CCDC88A: variants seen among roughly 807,000 people sequenced by gnomAD.
CCDC88A encodes the protein girdin.
A neutral mutation model predicts 234.3 loss-of-function variants in CCDC88A; 54 were observed. The observed-to-expected ratio is 0.23, with a 90% confidence interval of 0.19 to 0.29. The LOEUF is 0.29. CCDC88A is among the 10% of genes least tolerant of loss of function. CCDC88A has a pLI of 1.00. For synonymous variants in CCDC88A, 753 were observed against 737.8 expected, an observed-to-expected ratio of 1.02 and a Z score of -0.33; for missense variants, 1,832 against 2,123.4, an observed-to-expected ratio of 0.86 and a Z score of 2.70.
At position 55,318,850 on chromosome 2, in the gene CCDC88A, T is replaced by C. The variant is rs138105735; in HGVS notation, c.3317A>G (p.Lys1106Arg). ...AAAATATTATATTACAACCTGAAGC[T>C]TGGCATTCTGTGTTTGAAGAGTGGT... ...QNTTLQTQNAKLQVENSTLNS... is the reference protein window; with the variant it reads ...QNTTLQTQNARLQVENSTLNS... The change falls in exon 19 of 33, where the codon AAG becomes AGG. Residue 1106 changes from lysine to arginine, a missense_variant. This residue lies in a region of CCDC88A where 1,282 missense variants were observed against 1,543.6 expected (regional missense o/e 0.83). Transcript: ENST00000436346. The C allele has an allele frequency of 4.4e-6, 7 of 1,596,584 alleles. No individual in the cohort carries two copies. Among genetic ancestry groups the C allele is most frequent in the Non-Finnish European group, 6.0e-6 (7 of 1,168,924 alleles).
At chr2:55,381,464 G>T (rs1298191866) in intron 3 of CCDC88A, among the ~76,000 whole-genome samples, 3 of 149,428 alleles carry the variant, frequency 2.0e-5, no homozygotes, top group African/African-American at 4.9e-5. Context: ...GAGGTGGGGG[G>T]ATGGCTTGAG....
At position 55,387,176 on chromosome 2, in the gene CCDC88A, CAAAAAA is replaced by C. The variant is rs869311337; in HGVS notation, c.273+1596_273+1601del. Among the ~76,000 whole-genome samples the C allele has an allele frequency of 1.6e-4, 11 of 69,770 alleles. 1 individual carries two copies. Among genetic ancestry groups the C allele is most frequent in the African/African-American group, 6.3e-4 (9 of 14,208 alleles). 45.8% of individuals were successfully genotyped at this position (69,770 alleles called of 152,430 possible). A position where few individuals can be genotyped will look rare whatever the true frequency, so the allele number is the denominator to read the frequency against. On this transcript the variant is annotated intron_variant, in intron 3 of 32. Transcript: ENST00000436346. Reference sequence around the variant, plus strand: ...AGGGCAACAGATTGAGATTCCATCTCAAAAAAAAAAAAAAAAAAAAAAAAGAAACAT... The same window carrying C: ...AGGGCAACAGATTGAGATTCCATCTCAAAAAAAAAAAAAAAAAAGAAACAT...
In CCDC88A at chr2:55,332,342, G is replaced by A. The variant is rs573351371; in HGVS notation, c.2855+224C>T. ...TCCCCATGTTGGTCAGGCTGATCTCGAACTCCCGACCTCAGGTGATCCGCC... is the reference window on the plus strand; with the variant it reads ...TCCCCATGTTGGTCAGGCTGATCTCAAACTCCCGACCTCAGGTGATCCGCC... On this transcript the variant is annotated intron_variant, in intron 16 of 32. Coordinates refer to ENST00000436346, the MANE Select transcript of CCDC88A (RefSeq NM_001365480.1). This position sits in a 1 kb window ranked among gnomAD's most constrained non-coding sequence, Gnocchi z 4.5. 3.7e-4 allele frequency: 171 copies of A among 457,422 alleles called. No individual in the cohort carries two copies. Among genetic ancestry groups the A allele is most frequent in the Non-Finnish European group, 5.0e-4 (160 of 322,342 alleles). 28.3% of individuals were successfully genotyped at this position (457,422 alleles called of 1,614,324 possible).
chr2:55,361,461 T>G (rs888426666), intron 7 of CCDC88A, among the ~76,000 whole-genome samples: 1 of 152,152 alleles, frequency 6.6e-6, no homozygotes, highest in African/African-American at 2.4e-5. Context: ...GAAGAAAAAT[T>G]GAAAATTCAC....
chr2:55,344,175 G>C (rs908629533), intron 11 of CCDC88A, 193 bp downstream of exon 11: 17 of 397,502 alleles, frequency 4.3e-5, no homozygotes, highest in Non-Finnish European at 6.6e-5. Context: ...TAAGTAACAT[G>C]CTTCTGTAAC....
intron 2 of CCDC88A, among the ~76,000 whole-genome samples, chr2:55,415,193 T>G (rs1341415524): frequency 1.3e-5 from 2 of 152,080 alleles, no homozygotes; most frequent in African/African-American, 4.8e-5. Flanking sequence ...CGCGTGCCTG[T>G]AGTCCCAACT....
rs139598158 is a variant in CCDC88A at position 55,335,504 on chromosome 2, A to T, written c.1657-340T>A. Among the ~76,000 whole-genome samples the T allele has an allele frequency of 1.6e-3, 241 of 152,308 alleles. 1 individual carries two copies. The Middle Eastern group carries it at 0.02, about 13-fold the overall frequency. On this transcript the variant is annotated intron_variant, in intron 14 of 32. Coordinates refer to ENST00000436346, the MANE Select transcript of CCDC88A (RefSeq NM_001365480.1). This position sits in a 1 kb window ranked among gnomAD's most constrained non-coding sequence, Gnocchi z 4.5. ...TCAAATTCAAATAGGAATACAGGTA[A>T]CACACACACATACCTCCTTGAGAAC... is the stretch of plus-strand genomic sequence containing the variant.
At chr2:55,355,373 G>C in intron 8 of CCDC88A, 1 of 506,904 alleles carries the variant, frequency 2.0e-6, no homozygotes, top group Non-Finnish European at 3.5e-6. Context: ...TAGAATGCTA[G>C]AAAGGCCATA....
Position 55,318,926 on chromosome 2 carries a change from C to A in CCDC88A, c.3241G>T (p.Ala1081Ser). 1 of 1,613,304 alleles carries A rather than the reference C, an allele frequency of 6.2e-7. No homozygotes were observed. Among genetic ancestry groups the A allele is most frequent in the Non-Finnish European group, 8.5e-7 (1 of 1,179,486 alleles). ...QLETQNNNLQ[A>S]QILALQRQTV... is the part of the protein sequence containing the mutation. Reference sequence around the variant, plus strand: ...TGCCTCTGAAGTGCAAGAATCTGAGCCTGCAAATTATTGTTCTGTGTCTCA... The same window carrying A: ...TGCCTCTGAAGTGCAAGAATCTGAGACTGCAAATTATTGTTCTGTGTCTCA... Residue 1081 changes from alanine (A) to serine (S), a missense_variant, in exon 19 of 33, where the codon GCT becomes TCT. Physicochemically the swap from Ala to Ser is moderately conservative, Grantham distance 99. Around this residue, in one of 6 missense-constraint regions of CCDC88A, gnomAD observed 1,282 missense variants for 1,543.6 expected, o/e 0.83. Coordinates refer to ENST00000436346, the MANE Select transcript of CCDC88A (RefSeq NM_001365480.1).
intron 5 of CCDC88A, among the ~76,000 whole-genome samples, chr2:55,369,346 C>A (rs988652781): frequency 6.6e-5 from 10 of 151,664 alleles, no homozygotes; most frequent in Admixed American, 2.0e-4. Flanking sequence ...AATCTGAACT[C>A]TATCTTAAAG....
rs1447080799 is a variant in CCDC88A at position 55,343,652 on chromosome 2, G to T, written c.1329C>A (p.Ser443=). The change falls in exon 12 of 33, where the codon TCC becomes TCA. Residue 443 remains serine (S), a synonymous_variant. Transcript: ENST00000436346. ...LEQISRTSEL[S]EAPQKSLGHE... is the part of the protein sequence containing the mutation. ...AATTAAAAAAATTGGGAATACCTTCGGAAAGTTCACTAGTTCTGGATATCT... is the reference window on the plus strand; with the variant it reads ...AATTAAAAAAATTGGGAATACCTTCTGAAAGTTCACTAGTTCTGGATATCT... The T allele has an allele frequency of 6.3e-7, 1 of 1,594,676 alleles. No individual in the cohort carries two copies. The highest frequency in any genetic ancestry group is 8.5e-7 in the Non-Finnish European group (1 of 1,173,346).
At chr2:55,312,005 C>T (rs1414661452) in intron 23 of CCDC88A, among the ~76,000 whole-genome samples, 1 of 152,174 alleles carries the variant, frequency 6.6e-6, no homozygotes, top group East Asian at 1.9e-4. Flanking sequence ...ACTTTCATCA[C>T]ACTTCCATGA....
intron 32 of CCDC88A, chr2:55,291,469 A>T (rs1195510837): frequency 1.3e-5 from 4 of 313,282 alleles, no homozygotes; most frequent in South Asian, 1.5e-4. Flanking sequence ...AAAAAAACTT[A>T]AAAAAAAATA....
intron 25 of CCDC88A, among the ~76,000 whole-genome samples, chr2:55,303,956 TTTA>T (rs1681214464): frequency 6.6e-6 from 1 of 152,188 alleles, no homozygotes; most frequent in African/African-American, 2.4e-5. Context: ...ACCACAGTAT[TTTA>T]TTAATATAAA....
intron 31 of CCDC88A, chr2:55,294,951 A>G: frequency 8.4e-7 from 1 of 1,193,596 alleles, no homozygotes; most frequent in Non-Finnish European, 1.1e-6. Flanking sequence ...ACAATTTTAA[A>G]TAAAAAATAA....
At chr2:55,374,944 AG>A in intron 3 of CCDC88A, 61 bp from the exon 4 acceptor site, 1 of 985,092 alleles carries the variant, frequency 1.0e-6, no homozygotes, top group Admixed American at 1.7e-5. Context: ...TTATTCATCA[AG>A]CTATAACTTA....
chr2:55,310,578 A>G (rs1446230872), intron 23 of CCDC88A, among the ~76,000 whole-genome samples: 3 of 152,022 alleles, frequency 2.0e-5, no homozygotes. Context: ...AAGACTGAAA[A>G]GAAAAAAAAA....
At chr2:55,348,237 T>G (rs1669422471) in intron 9 of CCDC88A, among the ~76,000 whole-genome samples, 1 of 152,144 alleles carries the variant, frequency 6.6e-6, no homozygotes, top group South Asian at 2.1e-4. Flanking sequence ...AGTGCTAGGA[T>G]TATAGGCATG....
At chr2:55,391,318 A>G (rs1038237106) in intron 2 of CCDC88A, among the ~76,000 whole-genome samples, 2 of 152,000 alleles carry the variant, frequency 1.3e-5, no homozygotes, top group Non-Finnish European at 2.9e-5. Flanking sequence ...ACCTGCCAAA[A>G]CAAAGTTTGT....
Sources: gnomAD v4.1 joint callset for allele counts (sites outside exome capture counted in the v4.1 genomes callset) on GRCh38, gnomAD v4.1.1 for gene constraint, gnomAD v4.1.1 regional missense constraint, Gnocchi (gnomAD v3.1) non-coding constraint, MANE v1.5 for transcripts, NCBI Gene and HGNC (gene_info 2026-07-23, HGNC 2026-07-21) for gene names.